The following PITPNC1 variants were observed in gnomAD, a reference collection of about 807,000 sequenced individuals.
PITPNC1 encodes phosphatidylinositol transfer protein cytoplasmic 1.
A neutral mutation model predicts 44.7 loss-of-function variants in PITPNC1; 18 were observed. The observed-to-expected ratio is 0.40, with a 90% confidence interval of 0.28 to 0.60. The LOEUF (loss-of-function observed/expected upper bound fraction) is 0.60, where lower values mean the gene tolerates loss of function less well. Among genes scored for constraint, PITPNC1 ranks in the 20% least tolerant of loss-of-function variants. The pLI, the probability that PITPNC1 is intolerant of heterozygous loss-of-function variation, is 0.39. For synonymous variants in PITPNC1, 141 were observed against 149.6 expected, an observed-to-expected ratio of 0.94 and a Z score of 0.42; for missense variants, 290 against 418.4, an observed-to-expected ratio of 0.69 and a Z score of 2.68.
intron 1 of PITPNC1, among the ~76,000 whole-genome samples, chr17:67,475,271 A>T (rs1441593238): frequency 1.3e-5 from 2 of 152,144 alleles, no homozygotes; most frequent in Non-Finnish European, 2.9e-5. Flanking sequence ...CTTGATTGTT[A>T]TCACAGTTGG....
chr17:67,385,139 T>G (rs910800739), intron 1 of PITPNC1, among the ~76,000 whole-genome samples: 3 of 152,182 alleles, frequency 2.0e-5, no homozygotes, highest in African/African-American at 7.2e-5. Flanking sequence ...GGTGGGGACT[T>G]GGAGAACTTT....
At chr17:67,390,771 G>A (rs2038126473) in intron 1 of PITPNC1, among the ~76,000 whole-genome samples, 1 of 152,202 alleles carries the variant, frequency 6.6e-6, no homozygotes, top group South Asian at 2.1e-4. Flanking sequence ...CTTGGCCACT[G>A]GCTTTGCAAA....
chr17:67,651,617 T>C (rs888216558), intron 6 of PITPNC1, among the ~76,000 whole-genome samples: 2 of 152,218 alleles, frequency 1.3e-5, no homozygotes, highest in African/African-American at 4.8e-5. Flanking sequence ...AATCACATGT[T>C]TACCTCACCA....
chr17:67,657,392 C>T (rs1042049274), intron 6 of PITPNC1, among the ~76,000 whole-genome samples: 14 of 152,188 alleles, frequency 9.2e-5, no homozygotes, highest in African/African-American at 3.4e-4. Flanking sequence ...ACAATGTTGC[C>T]ATAAAAAGCC....
intron 1 of PITPNC1, among the ~76,000 whole-genome samples, chr17:67,415,801 C>T (rs972779447): frequency 3.9e-5 from 6 of 151,930 alleles, no homozygotes; most frequent in Admixed American, 6.6e-5. Context: ...ACTCTTCTTT[C>T]GTCTAGATGA....
At chr17:67,526,604 T>C (rs908956294) in intron 1 of PITPNC1, among the ~76,000 whole-genome samples, 1 of 152,032 alleles carries the variant, frequency 6.6e-6, no homozygotes, top group Non-Finnish European at 1.5e-5. Context: ...TGGTGGTGTG[T>C]GCCTGTAATC....
intron 1 of PITPNC1, among the ~76,000 whole-genome samples, chr17:67,467,204 C>G (rs2039440802): frequency 6.6e-6 from 1 of 151,804 alleles, no homozygotes; most frequent in Non-Finnish European, 1.5e-5. Context: ...CACCACCATT[C>G]TTGGCTATTT....
intron 1 of PITPNC1, among the ~76,000 whole-genome samples, chr17:67,469,256 T>C (rs17727486): frequency 0.63 from 95,876 of 151,942 alleles, 31,494 homozygotes; most frequent in African/African-American, 0.8. Context: ...GAACTTCCTT[T>C]CCAAGTGTAG....
intron 1 of PITPNC1, among the ~76,000 whole-genome samples, chr17:67,400,691 C>G (rs2038294163): frequency 6.6e-6 from 1 of 151,874 alleles, no homozygotes; most frequent in Non-Finnish European, 1.5e-5. Context: ...AATAACCCTT[C>G]TTTTCCTAAT....
At chr17:67,548,289 C>T (rs867681944) in intron 2 of PITPNC1, among the ~76,000 whole-genome samples, 3 of 152,158 alleles carry the variant, frequency 2.0e-5, no homozygotes, top group African/African-American at 4.8e-5. Context: ...TTTATACCAA[C>T]GTTTAAAAGT....
At chr17:67,523,891 A>C (rs1229300232) in intron 1 of PITPNC1, among the ~76,000 whole-genome samples, 1 of 146,328 alleles carries the variant, frequency 6.8e-6, no homozygotes, top group East Asian at 2.0e-4. Flanking sequence ...TGCTCACTGC[A>C]ACCTCCGCCT....
At chr17:67,462,859 C>T (rs1441172943) in intron 1 of PITPNC1, among the ~76,000 whole-genome samples, 2 of 152,176 alleles carry the variant, frequency 1.3e-5, no homozygotes, top group Non-Finnish European at 2.9e-5. Context: ...TGGGCCGCTA[C>T]GCCCGGCTAA....
chr17:67,482,704 A>G (rs764799182), intron 1 of PITPNC1, among the ~76,000 whole-genome samples: 2 of 152,208 alleles, frequency 1.3e-5, no homozygotes, highest in Non-Finnish European at 2.9e-5. Flanking sequence ...TCTTTTCAGG[A>G]AAATCTGGTT....
intron 1 of PITPNC1, among the ~76,000 whole-genome samples, chr17:67,485,739 T>G (rs2039769948): frequency 6.6e-6 from 1 of 152,064 alleles, no homozygotes; most frequent in Non-Finnish European, 1.5e-5. Flanking sequence ...CAGAAAAACA[T>G]TATTAAAGAT....
intron 1 of PITPNC1, among the ~76,000 whole-genome samples, chr17:67,417,001 G>A (rs1017937659): frequency 1.3e-5 from 2 of 151,780 alleles, no homozygotes; most frequent in Non-Finnish European, 2.9e-5. Flanking sequence ...TAGTAGAGAC[G>A]GGGTTTCTCC....
intron 8 of PITPNC1, among the ~76,000 whole-genome samples, chr17:67,679,080 G>T (rs1379589811): frequency 6.6e-6 from 1 of 152,304 alleles, no homozygotes; most frequent in East Asian, 1.9e-4. Flanking sequence ...TGGTTCTGTT[G>T]CTGGCTAAAG....
chr17:67,393,167 T>C (rs535165481), intron 1 of PITPNC1, among the ~76,000 whole-genome samples: 49 of 151,682 alleles, frequency 3.2e-4, no homozygotes, highest in African/African-American at 9.9e-4. Context: ...GTTAAAAATA[T>C]ACACATAACA....
chr17:67,649,607 G>A (rs1414170158), intron 6 of PITPNC1, among the ~76,000 whole-genome samples: 5 of 152,120 alleles, frequency 3.3e-5, no homozygotes, highest in East Asian at 1.9e-4. Flanking sequence ...GCTATAGGCC[G>A]GGCACAGTGG....
At chr17:67,637,550 T>G (rs2144343929) in intron 6 of PITPNC1, among the ~76,000 whole-genome samples, 1 of 152,216 alleles carries the variant, frequency 6.6e-6, no homozygotes, top group South Asian at 2.1e-4. Flanking sequence ...CTTTCCTTTC[T>G]TTTTCCATTT....
Sources: allele counts gnomAD v4.1 joint callset (sites outside exome capture counted in the v4.1 genomes callset), GRCh38; gene constraint gnomAD v4.1.1; transcripts MANE v1.5; gene names NCBI Gene and HGNC (gene_info 2026-07-23, HGNC 2026-07-21).